ITGA11: variants seen among roughly 807,000 people sequenced by gnomAD.
The protein encoded by ITGA11 is integrin alpha-11.
ITGA11 carries 97 observed loss-of-function variants against 141.9 expected under a neutral mutation model. That is an observed-to-expected ratio of 0.68 (90% CI 0.58 to 0.81). The LOEUF (loss-of-function observed/expected upper bound fraction) is 0.81. ITGA11 is among the 30% of genes least tolerant of loss of function. The pLI is 0.00. For synonymous variants in ITGA11, 658 were observed against 624.6 expected, an observed-to-expected ratio of 1.05 and a Z score of -0.80; for missense variants, 1,387 against 1,559.2, an observed-to-expected ratio of 0.89 and a Z score of 1.86.
chr15:68,382,005 A>C (rs1289896890), intron 2 of ITGA11, among the ~76,000 whole-genome samples: 1 of 152,206 alleles, frequency 6.6e-6, no homozygotes, highest in Admixed American at 6.5e-5. Flanking sequence ...GAGGACACAG[A>C]AGCCGGCCTT....
At chr15:68,336,813 C>G (rs565787626) in intron 11 of ITGA11, among the ~76,000 whole-genome samples, 10 of 152,300 alleles carry the variant, frequency 6.6e-5, no homozygotes, top group South Asian at 6.2e-4. Flanking sequence ...ATCTGCGTAT[C>G]TGTGTGTGTA....
chr15:68,389,416 G>A (rs1896063555), intron 2 of ITGA11, among the ~76,000 whole-genome samples: 1 of 152,218 alleles, frequency 6.6e-6, no homozygotes, highest in Admixed American at 6.5e-5. Context: ...TGTCTGGGGA[G>A]GAGCATGGCA....
chr15:68,341,040 T>C (rs1280922555), intron 10 of ITGA11, among the ~76,000 whole-genome samples: 1 of 152,156 alleles, frequency 6.6e-6, no homozygotes, highest in Non-Finnish European at 1.5e-5. Flanking sequence ...CTGGGTGAGC[T>C]TGAGATTCCC....
At chr15:68,339,407 G>T in intron 11 of ITGA11, 93 bp downstream of exon 11, 1 of 1,376,968 alleles carries the variant, frequency 7.3e-7, no homozygotes. Flanking sequence ...TACACAGCAG[G>T]CCCCTCACTC....
chr15:68,371,460 C>A (rs1022339281), intron 2 of ITGA11, among the ~76,000 whole-genome samples: 2 of 152,148 alleles, frequency 1.3e-5, no homozygotes, highest in African/African-American at 4.8e-5. Flanking sequence ...TGCCTGTAAT[C>A]CCAGTACTTT....
At chr15:68,426,612 TCAATTCCCCAA>T (rs1897148961) in intron 1 of ITGA11, among the ~76,000 whole-genome samples, 1 of 152,132 alleles carries the variant, frequency 6.6e-6, no homozygotes, top group South Asian at 2.1e-4. Flanking sequence ...CATACTGATC[TCAATTCCCCAA>T]CAATTCCCCA....
At position 68,325,868 on chromosome 15, in the gene ITGA11, G is replaced by T. The variant is rs898587; in HGVS notation, c.2212-627C>A. Among the ~76,000 whole-genome samples the T allele has an allele frequency of 6.6e-6, 1 of 152,178 alleles. No individual in the cohort carries two copies. The highest frequency in any genetic ancestry group is 1.5e-5 in the Non-Finnish European group (1 of 68,034). ...CCCTGATTATATAAAGGCAGTGGCT[G>T]TCAAACCTGAGCTGGCACCAGAGTC... On this transcript the variant is annotated intron_variant, in intron 17 of 29. Coordinates refer to ENST00000315757, the MANE Select transcript of ITGA11 (RefSeq NM_001004439.2). This position sits in a 1 kb window ranked among gnomAD's most constrained non-coding sequence, Gnocchi z 5.5.
At chr15:68,340,785 C>T (rs895067864) in intron 10 of ITGA11, 9 of 152,332 alleles carry the variant, frequency 5.9e-5, no homozygotes, top group Admixed American at 1.3e-4. Flanking sequence ...CTTCAGCAAT[C>T]GACATACCTA....
intron 1 of ITGA11, among the ~76,000 whole-genome samples, chr15:68,428,404 C>T (rs1005194691): frequency 6.6e-6 from 1 of 152,076 alleles, no homozygotes; most frequent in Admixed American, 6.5e-5. Context: ...GGGCTCACAG[C>T]CCTGTGTGGA....
At chr15:68,418,567 A>AC (rs371132930) in intron 1 of ITGA11, among the ~76,000 whole-genome samples, 28 of 27,212 alleles carry the variant, frequency 1.0e-3, no homozygotes, top group South Asian at 3.8e-3. Flanking sequence ...TTCTTTACCC[A>AC]CCCCCCCACC....
chr15:68,407,418 G>A (rs746922543), intron 1 of ITGA11, among the ~76,000 whole-genome samples: 30 of 152,182 alleles, frequency 2.0e-4, no homozygotes, highest in Non-Finnish European at 4.0e-4. Flanking sequence ...TGTCAGTCAA[G>A]TCCATCTCTC....
chr15:68,394,157 A>G (rs1261214329), intron 2 of ITGA11, among the ~76,000 whole-genome samples: 1 of 152,216 alleles, frequency 6.6e-6, no homozygotes, highest in Admixed American at 6.5e-5. Context: ...CCTAGCTTGA[A>G]TCAGTAAGAA....
At chr15:68,327,209 T>A (rs933527134) in intron 16 of ITGA11, among the ~76,000 whole-genome samples, 4 of 152,140 alleles carry the variant, frequency 2.6e-5, no homozygotes, top group Admixed American at 6.5e-5. Flanking sequence ...TGCTGGGTAC[T>A]TCCTCTCACA....
intron 1 of ITGA11, among the ~76,000 whole-genome samples, chr15:68,415,924 C>T (rs1039321979): frequency 2.0e-5 from 3 of 152,122 alleles, no homozygotes; most frequent in Non-Finnish European, 4.4e-5. Flanking sequence ...CCAAGAAGGG[C>T]CTAAGTAGAG....
chr15:68,334,535 G>A (rs1240417754), intron 12 of ITGA11, among the ~76,000 whole-genome samples: 2 of 152,074 alleles, frequency 1.3e-5, no homozygotes, highest in African/African-American at 2.4e-5. Context: ...TTTTAACTGA[G>A]GAGAAGGATA....
intron 1 of ITGA11, among the ~76,000 whole-genome samples, chr15:68,423,294 G>T (rs1897062531): frequency 6.6e-6 from 1 of 152,122 alleles, no homozygotes; most frequent in South Asian, 2.1e-4. Flanking sequence ...CACAAGTGGG[G>T]CCCCACCTGA....
chr15:68,421,631 T>A (rs1416373354), intron 1 of ITGA11, among the ~76,000 whole-genome samples: 18 of 139,092 alleles, frequency 1.3e-4, no homozygotes, highest in African/African-American at 4.6e-4. Flanking sequence ...CTTCCTCTTT[T>A]GGGCTGAGCA....
chr15:68,344,430 C>T (rs777006805), intron 10 of ITGA11, among the ~76,000 whole-genome samples: 2 of 152,168 alleles, frequency 1.3e-5, no homozygotes, highest in African/African-American at 2.4e-5. Context: ...ACCTCTAAAG[C>T]TTCAGCCACT....
At chr15:68,364,576 G>A (rs1050653294) in intron 4 of ITGA11, 131 bp downstream of exon 4, 2 of 745,226 alleles carry the variant, frequency 2.7e-6, no homozygotes, top group Non-Finnish European at 4.7e-6. Context: ...ACAGGGCCAG[G>A]CAGCTTGGTG....
Sources: allele counts gnomAD v4.1 joint callset (sites outside exome capture counted in the v4.1 genomes callset), GRCh38; gene constraint gnomAD v4.1.1; non-coding constraint Gnocchi (gnomAD v3.1); transcripts MANE v1.5; gene names NCBI Gene and HGNC (gene_info 2026-07-23, HGNC 2026-07-21).